Variants in ZNF385D observed in about 807,000 individuals in gnomAD.
ZNF385D encodes zinc finger protein 659.
A neutral mutation model predicts 35.8 loss-of-function variants in ZNF385D; 15 were observed. The observed-to-expected ratio is 0.42, with a 90% CI of 0.28 to 0.64. ZNF385D has a LOEUF of 0.64. Among genes scored for constraint, ZNF385D ranks in the 30% least tolerant of loss-of-function variants. The pLI, the probability that ZNF385D is intolerant of heterozygous loss-of-function variation, is 0.23. For synonymous variants in ZNF385D, 212 were observed against 186.8 expected (o/e 1.13, Z -1.10); for missense variants, 474 against 494.6 (o/e 0.96, Z 0.39).
chr3:21,874,157 T>A (rs1697840602), intron 3 of ZNF385D, among the ~76,000 whole-genome samples: 1 of 151,978 alleles, frequency 6.6e-6, no homozygotes, highest in Non-Finnish European at 1.5e-5. Context: ...TATCACTTCT[T>A]CCTTTTTGCT....
At chr3:21,967,385 T>A (rs1702971717) in intron 3 of ZNF385D, among the ~76,000 whole-genome samples, 1 of 152,184 alleles carries the variant, frequency 6.6e-6, no homozygotes, top group Admixed American at 6.5e-5. Flanking sequence ...AAATCAAAAT[T>A]CAAGCGTGGA....
chr3:21,935,507 G>T (rs1232798875), intron 3 of ZNF385D, among the ~76,000 whole-genome samples: 1 of 152,144 alleles, frequency 6.6e-6, no homozygotes, highest in African/African-American at 2.4e-5. Flanking sequence ...ACATGCTACA[G>T]CCTCAAAACC....
At position 22,248,876 on chromosome 3, in the gene ZNF385D, G is replaced by A. The variant is rs566224760; in HGVS notation, c.107-79841C>T. 4.6e-4 allele frequency among the ~76,000 whole-genome samples: 70 copies of A among 152,234 alleles called. 1 individual carries two copies. The South Asian group carries it at 0.014, about 31-fold the overall frequency. ...TTCAGATGAGGTAATATAAATTCAT[G>A]AAGCCTGTGCATATTTTTCTTGAAT... On this transcript the variant is annotated intron_variant, in intron 2 of 5. Transcript: ENST00000494108.
In ZNF385D at chr3:22,084,875, C is replaced by T. The variant is rs576434551; in HGVS notation, c.325+83942G>A. On this transcript the variant is annotated intron_variant, in intron 3 of 5. Transcript: ENST00000494108. ...AAGAACAGAAATCACAACAAACTGT[C>T]TCTCAGACCACAGTGCAATCAAATT... Among the ~76,000 whole-genome samples the T allele has an allele frequency of 4.8e-3, 725 of 152,298 alleles. 11 individuals carry two copies. Among genetic ancestry groups the T allele is most frequent in the African/African-American group, 0.016 (660 of 41,554 alleles).
At chr3:21,893,119 G>A (rs922209624) in intron 3 of ZNF385D, among the ~76,000 whole-genome samples, 2 of 152,062 alleles carry the variant, frequency 1.3e-5, no homozygotes, top group South Asian at 2.1e-4. Context: ...AGTAAGTCAC[G>A]TAACCTCTCA....
At chr3:22,212,966 A>G (rs1697623686) in intron 2 of ZNF385D, among the ~76,000 whole-genome samples, 1 of 152,064 alleles carries the variant, frequency 6.6e-6, no homozygotes, top group South Asian at 2.1e-4. Context: ...CTGTTTAAAC[A>G]TAATGGTTAG....
chr3:22,023,156 A>G (rs1046631289), intron 3 of ZNF385D, among the ~76,000 whole-genome samples: 1 of 152,132 alleles, frequency 6.6e-6, no homozygotes, highest in Non-Finnish European at 1.5e-5. Context: ...TCCAAATGAT[A>G]TGGCTGAATT....
At chr3:21,770,045 G>A (rs534552611) in intron 3 of ZNF385D, among the ~76,000 whole-genome samples, 6 of 151,968 alleles carry the variant, frequency 3.9e-5, no homozygotes, top group East Asian at 1.9e-4. Flanking sequence ...TGGAGAAAGC[G>A]GAAACTGGAT....
chr3:21,784,218 A>G (rs530615173), intron 3 of ZNF385D, among the ~76,000 whole-genome samples: 28 of 152,310 alleles, frequency 1.8e-4, no homozygotes, highest in African/African-American at 6.5e-4. Flanking sequence ...TTCAAAATCC[A>G]TGTTTAAAGC....
At chr3:22,273,470 T>A (rs1205916162) in intron 2 of ZNF385D, among the ~76,000 whole-genome samples, 1 of 152,010 alleles carries the variant, frequency 6.6e-6, no homozygotes, top group Admixed American at 6.6e-5. Flanking sequence ...TGGTATCGAA[T>A]GGGTAGAGGC....
At chr3:21,726,996 A>G (rs1237849095) in intron 1 of ZNF385D, among the ~76,000 whole-genome samples, 1 of 152,208 alleles carries the variant, frequency 6.6e-6, no homozygotes, top group African/African-American at 2.4e-5. Flanking sequence ...GGAACAGAAC[A>G]GAGCCCTCAG....
rs760719427 is a variant in ZNF385D at position 21,867,025 on chromosome 3, C to G, written c.326-201997G>C. On this transcript the variant is annotated intron_variant, in intron 3 of 5. Transcript: ENST00000494108. ...GACACTTGGTCACTTATAAAGAAAA[C>G]TACCTTGAGGTTGGAGAGAAGTCTG... is the stretch of plus-strand genomic sequence containing the variant. 2.0e-5 allele frequency among the ~76,000 whole-genome samples: 3 copies of G among 152,094 alleles called. No individual in the cohort carries two copies. In the South Asian group the frequency reaches 6.2e-4, roughly 31 times the overall value.
At chr3:22,000,063 T>C (rs1333729721) in intron 3 of ZNF385D, among the ~76,000 whole-genome samples, 3 of 152,128 alleles carry the variant, frequency 2.0e-5, no homozygotes, top group Admixed American at 1.3e-4. Flanking sequence ...TCCAGCACTT[T>C]GGGAGGCCGA....
At position 22,295,337 on chromosome 3, in the gene ZNF385D, A is replaced by G. The variant is rs933877012; in HGVS notation, c.106+77113T>C. Among the ~76,000 whole-genome samples the G allele has an allele frequency of 5.3e-5, 8 of 152,304 alleles. No homozygotes were observed. In the East Asian group the frequency reaches 1.5e-3, roughly 29 times the overall value. On this transcript the variant is annotated intron_variant, in intron 2 of 5. Transcript: ENST00000494108. ...TATGCAAACACATGAGATGTAGAATAGGCTATACAGCTCTCACACATGAGG... is the reference window on the plus strand; with the variant it reads ...TATGCAAACACATGAGATGTAGAATGGGCTATACAGCTCTCACACATGAGG...
intron 2 of ZNF385D, among the ~76,000 whole-genome samples, chr3:22,171,565 G>A (rs1576440873): frequency 6.6e-6 from 1 of 152,136 alleles, no homozygotes; most frequent in Non-Finnish European, 1.5e-5. Flanking sequence ...TATTGTGGCT[G>A]GGGTAGGACA....
intron 3 of ZNF385D, among the ~76,000 whole-genome samples, chr3:22,137,973 C>T (rs1704256735): frequency 6.6e-6 from 1 of 152,176 alleles, no homozygotes; most frequent in African/African-American, 2.4e-5. Context: ...TCAGCAAACT[C>T]TCAGGATACA....
At chr3:21,468,235 C>T (rs1703645047) in intron 4 of ZNF385D, among the ~76,000 whole-genome samples, 1 of 150,526 alleles carries the variant, frequency 6.6e-6, no homozygotes, top group Non-Finnish European at 1.5e-5. Flanking sequence ...AAACCCATCT[C>T]TACTAAAAAT....
intron 3 of ZNF385D, among the ~76,000 whole-genome samples, chr3:21,998,720 TA>T (rs1305430812): frequency 1.3e-5 from 2 of 152,246 alleles, no homozygotes; most frequent in African/African-American, 4.8e-5. Flanking sequence ...AATGGTATTT[TA>T]ATGTAATCAG....
chr3:21,672,061 T>G (rs1315969241), intron 1 of ZNF385D, among the ~76,000 whole-genome samples: 2 of 152,174 alleles, frequency 1.3e-5, no homozygotes, highest in African/African-American at 4.8e-5. Context: ...CAATGAGCAA[T>G]TTTCCTGTTG....
Sources: allele counts gnomAD v4.1 joint callset (sites outside exome capture counted in the v4.1 genomes callset), GRCh38; gene constraint gnomAD v4.1.1; transcripts MANE v1.5; gene names NCBI Gene and HGNC (gene_info 2026-07-23, HGNC 2026-07-21).